Variants in TRDN observed in about 807,000 individuals in gnomAD.
TRDN encodes the protein triadin, also known as triadin in skeletal muscle.
In TRDN, 161 loss-of-function variants were observed where a neutral mutation model predicts 149.7. The ratio of observed to expected loss-of-function variants is 1.08; its 90% CI spans 0.95 to 1.23. The LOEUF (loss-of-function observed/expected upper bound fraction) is 1.23, where lower values mean the gene tolerates loss of function less well. Ranked by LOEUF, TRDN falls within the 50% of genes most tolerant of loss-of-function variation. The pLI is 0.00. For synonymous variants in TRDN, 294 were observed against 250.5 expected (o/e 1.17, Z -1.64); for missense variants, 896 against 823.5 (o/e 1.09, Z -1.08).
chr6:123,430,309 G>A (rs962521968), intron 12 of TRDN, among the ~76,000 whole-genome samples: 20 of 151,970 alleles, frequency 1.3e-4, no homozygotes, highest in Non-Finnish European at 7.4e-5. Context: ...CAGACTGGGC[G>A]CAGTGGCTCA....
chr6:123,444,430 T>C (rs1418500074), intron 10 of TRDN, among the ~76,000 whole-genome samples: 2 of 147,552 alleles, frequency 1.4e-5, no homozygotes, highest in African/African-American at 2.5e-5. Flanking sequence ...GCTGAGACAA[T>C]GGGGTTTTCT....
chr6:123,279,267 A>C (rs1018302794), intron 24 of TRDN, among the ~76,000 whole-genome samples, 185 bp from the exon 25 acceptor site: 1 of 152,150 alleles, frequency 6.6e-6, no homozygotes, highest in Non-Finnish European at 1.5e-5. Flanking sequence ...AAGATTGGCA[A>C]ACTTTTTCTG....
At chr6:123,387,201 C>T (rs1781937912) in intron 14 of TRDN, among the ~76,000 whole-genome samples, 1 of 152,072 alleles carries the variant, frequency 6.6e-6, no homozygotes, top group African/African-American at 2.4e-5. Context: ...CACCTCAGGA[C>T]TCCTTTAAAA....
At chr6:123,279,608 T>C (rs559954828) in intron 24 of TRDN, among the ~76,000 whole-genome samples, 1 of 152,198 alleles carries the variant, frequency 6.6e-6, no homozygotes, top group East Asian at 1.9e-4. Context: ...TCATCTTTAC[T>C]TGTTTTTTCT....
chr6:123,481,889 A>G (rs1016682168), intron 9 of TRDN, among the ~76,000 whole-genome samples: 8 of 152,154 alleles, frequency 5.3e-5, no homozygotes, highest in Non-Finnish European at 1.2e-4. Flanking sequence ...AAGCTATCAC[A>G]TGGCATGTGA....
chr6:123,502,830 A>C, intron 8 of TRDN: 1 of 985,314 alleles, frequency 1.0e-6, no homozygotes, highest in Non-Finnish European at 1.2e-6. Flanking sequence ...AATTACAGGA[A>C]TAGTCTCTAC....
At chr6:123,239,061 G>T (rs934237192) in intron 38 of TRDN, among the ~76,000 whole-genome samples, 3 of 152,094 alleles carry the variant, frequency 2.0e-5, no homozygotes. Context: ...GGATGGTCTT[G>T]ATCTCCTGAC....
At chr6:123,433,412 C>G (rs115494395) in intron 12 of TRDN, among the ~76,000 whole-genome samples, 13 of 152,014 alleles carry the variant, frequency 8.6e-5, no homozygotes, top group African/African-American at 3.1e-4. Context: ...CCTCCCTTGT[C>G]AAACTGTAAG....
intron 9 of TRDN, among the ~76,000 whole-genome samples, chr6:123,477,168 A>T (rs1238909625): frequency 7.2e-6 from 1 of 138,760 alleles, no homozygotes; most frequent in African/African-American, 2.7e-5. Context: ...CATCTGACAA[A>T]GGGCTAATAT....
chr6:123,628,552 A>G (rs750416936), intron 1 of TRDN, among the ~76,000 whole-genome samples: 7 of 152,166 alleles, frequency 4.6e-5, no homozygotes, highest in Non-Finnish European at 8.8e-5. Flanking sequence ...GAGACAGGAA[A>G]TGAACGCATG....
At position 123,585,904 on chromosome 6, in the gene TRDN, C is replaced by T. The variant is rs557985798; in HGVS notation, c.23-14772G>A. Reference sequence around the variant, plus strand: ...TTTCTATTATTGTACACCTTGAAGGCGAGGTTGATTAAATCCTGTTGTGGG... The same window carrying T: ...TTTCTATTATTGTACACCTTGAAGGTGAGGTTGATTAAATCCTGTTGTGGG... On this transcript the variant is annotated intron_variant, in intron 1 of 40. Coordinates refer to ENST00000334268, the MANE Select transcript of TRDN (RefSeq NM_006073.4). 2.4e-4 allele frequency among the ~76,000 whole-genome samples: 36 copies of T among 152,116 alleles called. 1 individual carries two copies. The highest frequency in any genetic ancestry group is 1.2e-3 in the Admixed American group (18 of 15,270).
chr6:123,303,090 C>G (rs191089964), intron 24 of TRDN, among the ~76,000 whole-genome samples: 268 of 152,098 alleles, frequency 1.8e-3, no homozygotes, highest in African/African-American at 6.1e-3. Context: ...TTTAAAGAAG[C>G]TGAGACTTAG....
chr6:123,447,666 T>C (rs984429036), intron 10 of TRDN, among the ~76,000 whole-genome samples: 6 of 151,910 alleles, frequency 3.9e-5, no homozygotes, highest in African/African-American at 9.7e-5. Flanking sequence ...GGACTCTAGG[T>C]CTTATCTGTT....
chr6:123,318,223 C>T (rs1779106105), intron 23 of TRDN, among the ~76,000 whole-genome samples: 1 of 151,840 alleles, frequency 6.6e-6, no homozygotes, highest in Admixed American at 6.6e-5. Context: ...TTTATTGAAT[C>T]TATGCTAGGT....
chr6:123,570,866 CTGTT>C, intron 2 of TRDN, 53 bp downstream of exon 2: 3 of 1,530,728 alleles, frequency 2.0e-6, no homozygotes, highest in Non-Finnish European at 2.7e-6. Context: ...GGAGGGGACA[CTGTT>C]TCTTTCCATT....
chr6:123,511,210 A>T (rs149163607), intron 7 of TRDN, among the ~76,000 whole-genome samples: 1 of 152,156 alleles, frequency 6.6e-6, no homozygotes, highest in East Asian at 1.9e-4. Context: ...CAGTTTTCCT[A>T]GTAAAATTTA....
chr6:123,408,889 C>T (rs929242057), intron 12 of TRDN, among the ~76,000 whole-genome samples: 2 of 152,024 alleles, frequency 1.3e-5, no homozygotes, highest in African/African-American at 2.4e-5. Context: ...CAGATAGATG[C>T]TCTTCTCCAC....
intron 24 of TRDN, among the ~76,000 whole-genome samples, chr6:123,301,469 C>T (rs769127536): frequency 6.6e-6 from 1 of 151,600 alleles, no homozygotes; most frequent in Admixed American, 6.6e-5. Context: ...CACTTCCCTG[C>T]CTGTAGCTTG....
intron 9 of TRDN, chr6:123,471,661 C>G (rs374556883): frequency 6.6e-6 from 1 of 152,250 alleles, no homozygotes; most frequent in East Asian, 1.9e-4. Context: ...TATATTTCCA[C>G]GTGTTATTAC....
Sources: gnomAD v4.1 joint callset for allele counts (sites outside exome capture counted in the v4.1 genomes callset) on GRCh38, gnomAD v4.1.1 for gene constraint, MANE v1.5 for transcripts, NCBI Gene and HGNC (gene_info 2026-07-23, HGNC 2026-07-21) for gene names.